Variants in ATAD2B observed in about 807,000 individuals in gnomAD.
The protein encoded by ATAD2B is ATPase family AAA domain containing 2B.
Under a neutral mutation model 167.6 loss-of-function variants are expected in ATAD2B, and 40 were observed. The observed-to-expected ratio is 0.24, with a 90% confidence interval of 0.19 to 0.31. The LOEUF (loss-of-function observed/expected upper bound fraction) is 0.31. ATAD2B is among the 10% of genes least tolerant of loss of function. ATAD2B has a pLI of 1.00. For synonymous variants in ATAD2B, 579 were observed against 596.5 expected, an observed-to-expected ratio of 0.97 and a Z score of 0.43; for missense variants, 1,242 against 1,757.2, an observed-to-expected ratio of 0.71 and a Z score of 5.24.
chr2:23,825,581 G>C (rs1479822163), intron 15 of ATAD2B, among the ~76,000 whole-genome samples: 1 of 152,054 alleles, frequency 6.6e-6, no homozygotes, highest in Non-Finnish European at 1.5e-5. Context: ...AAGTTATAAA[G>C]AGTTAACAAA....
At chr2:23,771,905 T>G (rs1050923295) in intron 22 of ATAD2B, among the ~76,000 whole-genome samples, 3 of 152,182 alleles carry the variant, frequency 2.0e-5, no homozygotes, top group Non-Finnish European at 1.5e-5. Context: ...TAATCTGCCC[T>G]GCAAACCCAA....
At chr2:23,684,015 T>C in the ATAD2B span, among the ~76,000 whole-genome samples, 10 of 152,202 alleles carry the variant, frequency 6.6e-5, no homozygotes, top group Non-Finnish European at 1.2e-4. The surrounding 1 kb of genome is among the most constrained non-coding windows in gnomAD (Gnocchi z 4.4). Context: ...TCGGCACCCA[T>C]TGGCATTTGG....
At chr2:23,730,887 A>C in the ATAD2B span, among the ~76,000 whole-genome samples, 2 of 151,858 alleles carry the variant, frequency 1.3e-5, no homozygotes, top group African/African-American at 4.8e-5. Flanking sequence ...TACCAAAAAA[A>C]TCCTAGTTTT....
intron 13 of ATAD2B, among the ~76,000 whole-genome samples, chr2:23,840,804 CA>C (rs1690771558): frequency 6.6e-6 from 1 of 152,142 alleles, no homozygotes; most frequent in Admixed American, 6.5e-5. Context: ...GAGAGATGTA[CA>C]GGATCTCTCC....
chr2:23,884,345 C>G (rs1698387420), intron 6 of ATAD2B, among the ~76,000 whole-genome samples: 1 of 152,104 alleles, frequency 6.6e-6, no homozygotes, highest in Non-Finnish European at 1.5e-5. Context: ...AAGTCTCTCT[C>G]TAAACTTTAC....
At chr2:23,905,346 G>C (rs1457957969) in intron 1 of ATAD2B, among the ~76,000 whole-genome samples, 1 of 152,098 alleles carries the variant, frequency 6.6e-6, no homozygotes, top group Non-Finnish European at 1.5e-5. Context: ...AGGAGACTCT[G>C]AGACTTGTCT....
rs569201165 is a variant in ATAD2B at position 23,895,611 on chromosome 2, G to T, written c.368+208C>A. Among the ~76,000 whole-genome samples the T allele has an allele frequency of 2.1e-3, 323 of 151,920 alleles. 1 individual carries two copies. Among genetic ancestry groups the T allele is most frequent in the Non-Finnish European group, 3.7e-3 (250 of 67,940 alleles). ...CAAAATCCTTATTGTTTTACTTATG[G>T]TAATTTCTATTACATACCATGTATC... is the stretch of plus-strand genomic sequence containing the variant. On this transcript the variant is annotated intron_variant, in intron 2 of 27. Coordinates refer to ENST00000238789, the MANE Select transcript of ATAD2B (RefSeq NM_017552.4).
intron 22 of ATAD2B, among the ~76,000 whole-genome samples, chr2:23,777,330 G>C (rs1679293460): frequency 7.0e-6 from 1 of 142,482 alleles, no homozygotes; most frequent in African/African-American, 2.5e-5. Flanking sequence ...TAGGCATTAT[G>C]GATCTATCAT....
At chr2:23,789,081 C>A (rs1165755255) in intron 19 of ATAD2B, among the ~76,000 whole-genome samples, 1 of 152,098 alleles carries the variant, frequency 6.6e-6, no homozygotes, top group East Asian at 1.9e-4. Flanking sequence ...CCTTACTGTG[C>A]TCTTTCCCTA....
intron 8 of ATAD2B, 38 bp from the exon 9 acceptor site, chr2:23,869,799 T>A: frequency 1.5e-6 from 2 of 1,370,380 alleles, no homozygotes; most frequent in South Asian, 1.3e-5. Context: ...ACCATTATAA[T>A]AGCAAACAAC....
At chr2:23,854,043 C>T (rs1448894563) in intron 13 of ATAD2B, among the ~76,000 whole-genome samples, 2 of 151,806 alleles carry the variant, frequency 1.3e-5, no homozygotes, top group African/African-American at 4.8e-5. Context: ...GTCAGAAGTT[C>T]GAGACCAGCC....
chr2:23,883,467 G>T, intron 6 of ATAD2B: 1 of 284,290 alleles, frequency 3.5e-6, no homozygotes, highest in Non-Finnish European at 6.4e-6. Flanking sequence ...ATTACTTTTT[G>T]AAAAATGTCT....
intron 22 of ATAD2B, among the ~76,000 whole-genome samples, chr2:23,768,836 T>C (rs1677854689): frequency 1.3e-5 from 2 of 152,246 alleles, no homozygotes; most frequent in Admixed American, 1.3e-4. Flanking sequence ...CATGTATCTG[T>C]ACTTCGTTAT....
At chr2:23,810,774 G>C (rs1003087633) in intron 17 of ATAD2B, among the ~76,000 whole-genome samples, 2 of 152,112 alleles carry the variant, frequency 1.3e-5, no homozygotes, top group Admixed American at 6.5e-5. Flanking sequence ...ACTTTGGGAG[G>C]CCAAGGTGGG....
At chr2:23,689,286 C>G in the ATAD2B span, 4 of 152,264 alleles carry the variant, frequency 2.6e-5, no homozygotes, top group African/African-American at 9.7e-5. Context: ...GCCAGGGGTC[C>G]TCCTCAGTCT....
At chr2:23,722,617 T>C in the ATAD2B span, among the ~76,000 whole-genome samples, 1 of 152,136 alleles carries the variant, frequency 6.6e-6, no homozygotes, top group East Asian at 1.9e-4. Flanking sequence ...ATTATGGGCA[T>C]TCCAGGAGAT....
intron 4 of ATAD2B, among the ~76,000 whole-genome samples, chr2:23,886,361 A>G (rs1178987778): frequency 6.6e-6 from 1 of 152,164 alleles, no homozygotes; most frequent in Non-Finnish European, 1.5e-5. Flanking sequence ...CTTTTTAAAT[A>G]TAAGGCTTTT....
chr2:23,704,702 G>A, the ATAD2B span, among the ~76,000 whole-genome samples: 6 of 152,278 alleles, frequency 3.9e-5, no homozygotes, highest in South Asian at 6.2e-4. Flanking sequence ...GGGAGGCGGA[G>A]GTTGCAGTGA....
chr2:23,738,302 A>G, the ATAD2B span, among the ~76,000 whole-genome samples: 1 of 152,256 alleles, frequency 6.6e-6, no homozygotes, highest in Admixed American at 6.5e-5. Context: ...CCAGAGAGAA[A>G]GGTCAGGTTA....
Sources: allele counts gnomAD v4.1 joint callset (sites outside exome capture counted in the v4.1 genomes callset), GRCh38; gene constraint gnomAD v4.1.1; non-coding constraint Gnocchi (gnomAD v3.1); transcripts MANE v1.5; gene names NCBI Gene and HGNC (gene_info 2026-07-23, HGNC 2026-07-21).